The following NALF1 variants were observed in gnomAD, a reference collection of about 807,000 sequenced individuals.
The protein encoded by NALF1 is NALCN channel auxiliary factor 1.
NALF1 carries 3 observed loss-of-function variants against 48.4 expected under a neutral mutation model. The ratio of observed to expected loss-of-function variants is 0.06; its 90% CI spans 0.03 to 0.16. NALF1 has a LOEUF of 0.16. Among genes scored for constraint, NALF1 ranks in the 10% least tolerant of loss-of-function variants. The pLI is 1.00. For missense variants in NALF1, 526 were observed against 571.5 expected (o/e 0.92, Z 0.81); for synonymous variants, 262 against 245.7 (o/e 1.07, Z -0.62).
In NALF1 at chr13:107,472,430, C is replaced by T. The variant is rs371365728; in HGVS notation, c.916-261675G>A. On this transcript the variant is annotated intron_variant, in intron 1 of 2. Transcript: ENST00000375915. ...GATTGAAGGATGTGAAGTATTGTTC[C>T]TGGGTGTGTCTGTGTGTGTGTTGCC... 1.2e-3 allele frequency among the ~76,000 whole-genome samples: 183 copies of T among 152,178 alleles called. 1 individual carries two copies. Among genetic ancestry groups the T allele is most frequent in the African/African-American group, 4.2e-3 (174 of 41,522 alleles).
rs529439453 is a variant in NALF1, at chr13:107,378,531, G to C, written c.916-167776C>G. On this transcript the variant is annotated intron_variant, in intron 1 of 2. Transcript: ENST00000375915. ...AAGAGCTTTTGGGTATTCTGAAATA[G>C]AAGTCAATTTCTAAACTTTGAGAAT... 3.3e-5 allele frequency among the ~76,000 whole-genome samples: 5 copies of C among 152,178 alleles called. No homozygotes were observed. The East Asian group carries it at 7.7e-4, about 24-fold the overall frequency.
intron 1 of NALF1, among the ~76,000 whole-genome samples, chr13:107,719,631 A>G (rs987623485): frequency 6.6e-6 from 1 of 151,976 alleles, no homozygotes; most frequent in African/African-American, 2.4e-5. Flanking sequence ...CTCTTCTCTC[A>G]CTTCCAACTA....
chr13:107,806,061 A>C (rs2138601660), intron 1 of NALF1, among the ~76,000 whole-genome samples: 1 of 152,280 alleles, frequency 6.6e-6, no homozygotes, highest in South Asian at 2.1e-4. Context: ...TCCCTTTTGT[A>C]ACAGTTTCAG....
At chr13:107,523,639 T>C (rs961092818) in intron 1 of NALF1, among the ~76,000 whole-genome samples, 6 of 150,792 alleles carry the variant, frequency 4.0e-5, no homozygotes, top group African/African-American at 7.3e-5. Context: ...GCAGGAGAGA[T>C]TGCCTTCTTA....
chr13:107,611,475 A>G (rs191464292), intron 1 of NALF1, among the ~76,000 whole-genome samples: 24 of 128,178 alleles, frequency 1.9e-4, no homozygotes, highest in African/African-American at 6.3e-4. Context: ...TGTGGCACAT[A>G]AATAACATGG....
At chr13:107,443,540 T>C (rs780487457) in intron 1 of NALF1, among the ~76,000 whole-genome samples, 4 of 152,174 alleles carry the variant, frequency 2.6e-5, no homozygotes, top group Non-Finnish European at 5.9e-5. Context: ...TAAATGTTAA[T>C]GTTTATTTGT....
chr13:107,404,417 A>AC (rs1883865039), intron 1 of NALF1, among the ~76,000 whole-genome samples: 2 of 152,128 alleles, frequency 1.3e-5, no homozygotes, highest in South Asian at 4.1e-4. Context: ...TATTTGAAAA[A>AC]AAATATATCT....
At chr13:107,736,194 T>C (rs3927720) in intron 1 of NALF1, among the ~76,000 whole-genome samples, 2 of 34,424 alleles carry the variant, frequency 5.8e-5, no homozygotes, top group African/African-American at 1.9e-4. Context: ...CACACACACA[T>C]ACACACACAC....
At chr13:107,517,689 C>T (rs866840664) in intron 1 of NALF1, among the ~76,000 whole-genome samples, 1 of 151,474 alleles carries the variant, frequency 6.6e-6, no homozygotes, top group Non-Finnish European at 1.5e-5. Context: ...GGCGCAGTGG[C>T]TCATGTTGTA....
chr13:107,303,214 C>A (rs899156414), intron 1 of NALF1, among the ~76,000 whole-genome samples: 2 of 151,962 alleles, frequency 1.3e-5, no homozygotes, highest in African/African-American at 4.8e-5. Flanking sequence ...TACGTAAGTT[C>A]TTTGCCCATC....
intron 1 of NALF1, among the ~76,000 whole-genome samples, chr13:107,670,612 T>C (rs907685112): frequency 1.3e-5 from 2 of 152,120 alleles, no homozygotes; most frequent in Non-Finnish European, 2.9e-5. Flanking sequence ...CATTGTAATA[T>C]CCCATGGGCC....
chr13:107,851,562 T>C (rs1327743534), intron 1 of NALF1, among the ~76,000 whole-genome samples: 1 of 152,142 alleles, frequency 6.6e-6, no homozygotes, highest in Non-Finnish European at 1.5e-5. Context: ...ATTTTGTAAT[T>C]ATCTGACTTA....
At position 107,253,724 on chromosome 13, in the gene NALF1, C is replaced by A. The variant is rs184336416; in HGVS notation, c.916-42969G>T. Reference sequence around the variant, plus strand: ...TCCAGCCACACGGGTCTTCTCGCATCTCTGTGAATACCCCAAGCTTGTTCC... The same window carrying A: ...TCCAGCCACACGGGTCTTCTCGCATATCTGTGAATACCCCAAGCTTGTTCC... On this transcript the variant is annotated intron_variant, in intron 1 of 2. Coordinates refer to ENST00000375915, the MANE Select transcript of NALF1 (RefSeq NM_001080396.3). 9.6e-4 allele frequency among the ~76,000 whole-genome samples: 146 copies of A among 152,272 alleles called. 1 individual carries two copies. Among genetic ancestry groups the A allele is most frequent in the Non-Finnish European group, 1.5e-3 (103 of 68,018 alleles).
intron 1 of NALF1, among the ~76,000 whole-genome samples, chr13:107,782,668 C>T (rs1340376922): frequency 1.3e-5 from 2 of 151,822 alleles, no homozygotes; most frequent in African/African-American, 4.8e-5. Context: ...GCCCGGCCGG[C>T]CATCGTCTGA....
At chr13:107,488,087 T>C (rs1459268150) in intron 1 of NALF1, among the ~76,000 whole-genome samples, 1 of 152,058 alleles carries the variant, frequency 6.6e-6, no homozygotes, top group Non-Finnish European at 1.5e-5. Context: ...CTGATGGTTG[T>C]TTGTATTTCT....
intron 1 of NALF1, among the ~76,000 whole-genome samples, chr13:107,799,346 C>T (rs1228204235): frequency 1.3e-5 from 2 of 152,118 alleles, no homozygotes; most frequent in East Asian, 1.9e-4. Context: ...CTTGCAGGTA[C>T]GGAGATGAAA....
chr13:107,722,457 T>C (rs1031598852), intron 1 of NALF1, among the ~76,000 whole-genome samples: 20 of 152,142 alleles, frequency 1.3e-4, no homozygotes, highest in African/African-American at 4.8e-4. Context: ...CCTCAGGTAC[T>C]TCCTGCACTG....
rs200076249 is a variant in NALF1, at chr13:107,167,764, G to A, written c.*2733C>T. On this transcript the variant is annotated 3_prime_UTR_variant, in exon 3 of 3. Coordinates refer to ENST00000375915, the MANE Select transcript of NALF1 (RefSeq NM_001080396.3). ...AACTTTCAAAGCTGTGTTTTTTTTT[G>A]GGGGGTGGGGGGCAGTGTGTACCTC... 4.4e-5 allele frequency: 1 copy of A among 22,552 alleles called. No homozygotes were observed. The highest frequency in any genetic ancestry group is 4.2e-4 in the Admixed American group (1 of 2,380). 1.4% of individuals were successfully genotyped at this position (22,552 alleles called of 1,614,324 possible).
intron 2 of NALF1, among the ~76,000 whole-genome samples, chr13:107,184,266 A>T (rs1879127847): frequency 6.6e-6 from 1 of 151,824 alleles, no homozygotes; most frequent in Non-Finnish European, 1.5e-5. Context: ...AGGATATTTT[A>T]TTTATTCACA....
Sources: allele counts gnomAD v4.1 joint callset (sites outside exome capture counted in the v4.1 genomes callset), GRCh38; gene constraint gnomAD v4.1.1; transcripts MANE v1.5; gene names NCBI Gene and HGNC (gene_info 2026-07-23, HGNC 2026-07-21).